EDA: variants seen among roughly 807,000 people sequenced by gnomAD.
The protein encoded by EDA is ectodysplasin A.
In EDA, 2 loss-of-function variants were observed where a neutral mutation model predicts 23.6. That is an observed-to-expected ratio of 0.08 (90% CI 0.03 to 0.27). The LOEUF (loss-of-function observed/expected upper bound fraction) is 0.27. EDA is among the 10% of genes least tolerant of loss of function. The probability of loss-of-function intolerance (pLI) is 1.00; values close to 1 mark genes in which losing one functional copy is unlikely to be tolerated. For missense variants in EDA, 229 were observed against 324.2 expected (o/e 0.71, Z 2.26); for synonymous variants, 131 against 132.0 (o/e 0.99, Z 0.05).
At chrX:69,837,729 A>G (rs1040877726) in intron 1 of EDA, among the ~76,000 whole-genome samples, 1 of 112,061 alleles carries the variant, frequency 8.9e-6, no homozygotes, top group Admixed American at 9.5e-5. Flanking sequence ...TTTAAAGCAA[A>G]AGGATCATCC....
At chrX:69,795,465 C>T (rs1388680521) in intron 1 of EDA, among the ~76,000 whole-genome samples, 1 of 112,748 alleles carries the variant, frequency 8.9e-6, no homozygotes, top group African/African-American at 3.2e-5. Flanking sequence ...AATTTATAGG[C>T]CAAATAACAT....
In EDA at chrX:70,029,547, G is replaced by A. The variant is rs751258727; in HGVS notation, c.741+9G>A. 29 of 1,210,972 alleles carry A rather than the reference G, an allele frequency of 2.4e-5. No individual in the cohort carries two copies. The Admixed American group carries it at 2.8e-4, about 12-fold the overall frequency. On this transcript the variant is annotated intron_variant, in intron 5 of 7. Coordinates refer to ENST00000374552, the MANE Select transcript of EDA (RefSeq NM_001399.5). The stretch of plus-strand genomic sequence containing the variant: ...GAACTCGAGAAAACCAGGTTGGCTG[G>A]GGATTGCTCTCTTCCTGGGTAGGAG...
chrX:69,877,530 G>GT (rs1002699651), intron 1 of EDA, among the ~76,000 whole-genome samples: 1 of 109,948 alleles, frequency 9.1e-6, no homozygotes, highest in Non-Finnish European at 1.9e-5. Context: ...TCTTTTTTTT[G>GT]TTTTTTTATT....
At chrX:69,636,289 A>G (rs777187921) in intron 1 of EDA, among the ~76,000 whole-genome samples, 2 of 108,281 alleles carry the variant, frequency 1.8e-5, no homozygotes, top group Non-Finnish European at 3.8e-5. Context: ...TGATGTGCCT[A>G]CTCCCACTCC....
intron 1 of EDA, among the ~76,000 whole-genome samples, chrX:69,744,434 T>G (rs1015450122): frequency 8.9e-6 from 1 of 112,037 alleles, no homozygotes; most frequent in African/African-American, 3.2e-5. Context: ...GAATTAGCAC[T>G]GAAATCATTG....
At chrX:69,957,373 G>A in intron 2 of EDA, 1 of 339,099 alleles carries the variant, frequency 2.9e-6, no homozygotes, top group Non-Finnish European at 5.2e-6. Context: ...CAGCTGCTTG[G>A]GAGACTAAGG....
At chrX:69,872,602 C>T (rs2017582812) in intron 1 of EDA, among the ~76,000 whole-genome samples, 2 of 111,355 alleles carry the variant, frequency 1.8e-5, no homozygotes, top group Non-Finnish European at 3.8e-5. Context: ...AGTAGCTATA[C>T]TAATAACAGA....
At chrX:69,952,769 C>T (rs188279275) in intron 1 of EDA, among the ~76,000 whole-genome samples, 105 of 111,662 alleles carry the variant, frequency 9.4e-4, no homozygotes, top group African/African-American at 3.3e-3. Context: ...GGCTTGAGTT[C>T]TCACAAGCTC....
At chrX:69,681,808 T>G (rs1205900786) in intron 1 of EDA, among the ~76,000 whole-genome samples, 1 of 111,700 alleles carries the variant, frequency 9.0e-6, no homozygotes, top group East Asian at 2.8e-4. Context: ...GTCTGAAGCC[T>G]TCTTCTCTCA....
chrX:70,023,601 T>C (rs889266801), intron 3 of EDA, among the ~76,000 whole-genome samples: 2 of 105,730 alleles, frequency 1.9e-5, no homozygotes, highest in African/African-American at 6.9e-5. Flanking sequence ...GCGATTCTCT[T>C]GCCTCAGCCT....
intron 1 of EDA, among the ~76,000 whole-genome samples, chrX:69,782,366 T>TAAAAAAAAAAAAAAA (rs751293381): frequency 1.5e-5 from 1 of 65,481 alleles, no homozygotes; most frequent in African/African-American, 7.6e-5. Flanking sequence ...TAAATGCTCT[T>TAAAAAAAAAAAAAAA]AAAAAAAAAA....
chrX:69,788,520 C>G (rs1447058130), intron 1 of EDA, among the ~76,000 whole-genome samples: 1 of 111,813 alleles, frequency 8.9e-6, no homozygotes, highest in South Asian at 3.8e-4. Context: ...AGACAGGACC[C>G]TCAGCTGCAG....
At chrX:69,750,708 C>A (rs185190078) in intron 1 of EDA, among the ~76,000 whole-genome samples, 1 of 111,188 alleles carries the variant, frequency 9.0e-6, no homozygotes, top group Non-Finnish European at 1.9e-5. Flanking sequence ...TTTTAATGAT[C>A]GCCATTCTAA....
intron 1 of EDA, among the ~76,000 whole-genome samples, chrX:69,692,544 C>T (rs1012861346): frequency 4.5e-5 from 5 of 111,651 alleles, no homozygotes; most frequent in South Asian, 3.8e-4. Flanking sequence ...ATGATCTTGA[C>T]GGAATTATTA....
intron 1 of EDA, among the ~76,000 whole-genome samples, chrX:69,854,259 T>C (rs1053562339): frequency 9.1e-6 from 1 of 110,077 alleles, no homozygotes; most frequent in Non-Finnish European, 1.9e-5. Flanking sequence ...AGTGATACCA[T>C]CTCAGCTCAA....
intron 1 of EDA, among the ~76,000 whole-genome samples, chrX:69,878,200 A>G (rs983122221): frequency 2.7e-5 from 3 of 112,559 alleles, no homozygotes; most frequent in African/African-American, 9.7e-5. Context: ...AGTGATTTCC[A>G]TTGTGCAACA....
chrX:69,711,578 C>T, intron 1 of EDA, among the ~76,000 whole-genome samples: 1 of 111,519 alleles, frequency 9.0e-6, no homozygotes, highest in Non-Finnish European at 1.9e-5. Flanking sequence ...GTACCAGCTC[C>T]TCCTTGTACC....
intron 2 of EDA, among the ~76,000 whole-genome samples, chrX:69,970,197 A>T (rs1477160893): frequency 1.8e-5 from 2 of 112,969 alleles, no homozygotes; most frequent in Non-Finnish European, 3.7e-5. Context: ...AGGAAAGAGC[A>T]TAAGATTTAA....
intron 1 of EDA, among the ~76,000 whole-genome samples, chrX:69,862,475 CACTT>C (rs2017401559): frequency 9.0e-6 from 1 of 111,592 alleles, no homozygotes; most frequent in Admixed American, 9.5e-5. Context: ...GACAGAGTCT[CACTT>C]TGTCACCCAT....
Sources: gnomAD v4.1 joint callset for allele counts (sites outside exome capture counted in the v4.1 genomes callset) on GRCh38, gnomAD v4.1.1 for gene constraint, MANE v1.5 for transcripts, NCBI Gene and HGNC (gene_info 2026-07-23, HGNC 2026-07-21) for gene names.